The following GREB1 variants were observed in gnomAD, a reference collection of about 807,000 sequenced individuals.
GREB1 encodes the protein growth regulating estrogen receptor binding 1, also known as protein GREB1.
Under a neutral mutation model 200.7 loss-of-function variants are expected in GREB1, and 106 were observed. That is an observed-to-expected ratio of 0.53 (90% CI 0.45 to 0.62). The LOEUF is 0.62. GREB1 is among the 20% of genes least tolerant of loss of function. GREB1 has a pLI of 0.00. For missense variants in GREB1, 2,243 were observed against 2,556.8 expected (o/e 0.88, Z 2.65); for synonymous variants, 1,132 against 1,092.4 (o/e 1.04, Z -0.72).
chr2:11,586,932 G>T (rs185947576), intron 9 of GREB1, among the ~76,000 whole-genome samples: 113 of 152,224 alleles, frequency 7.4e-4, no homozygotes, highest in African/African-American at 2.5e-3. Flanking sequence ...CGTGGCCATG[G>T]CGTGTCTGTG....
At position 11,587,741 on chromosome 2, in the gene GREB1, A is replaced by ACACACG; in HGVS notation, c.1160-1004_1160-1003insACACGC. ...CACACACACACACACACACACACAC[A>ACACACG]CGCCACCTTTGGGAGCTCAGCAGCC... On this transcript the variant is annotated intron_variant, in intron 9 of 32. Coordinates refer to ENST00000381486, the MANE Select transcript of GREB1 (RefSeq NM_014668.4). 52 of 788,398 alleles carry ACACACG rather than the reference A, an allele frequency of 6.6e-5. 1 individual carries two copies. The African/African-American group carries it at 8.7e-4, about 13-fold the overall frequency. 48.8% of individuals were successfully genotyped at this position (788,398 alleles called of 1,614,324 possible).
intron 1 of GREB1, among the ~76,000 whole-genome samples, chr2:11,500,184 C>T (rs976250266): frequency 3.9e-5 from 6 of 151,920 alleles, no homozygotes; most frequent in African/African-American, 7.2e-5. Context: ...TTATTTGAGA[C>T]GGAGTCTCAC....
At chr2:11,529,151 C>A (rs936932507), upstream of GREB1, among the ~76,000 whole-genome samples, 2 of 152,090 alleles carry the variant, frequency 1.3e-5, no homozygotes, top group Non-Finnish European at 2.9e-5. Context: ...AAGAGTACCC[C>A]TCAACCCCAT....
intron 1 of GREB1, among the ~76,000 whole-genome samples, chr2:11,483,651 TG>T: frequency 6.8e-6 from 1 of 147,752 alleles, no homozygotes; most frequent in Admixed American, 6.8e-5. Context: ...GTTTGGGTCC[TG>T]GGAACAAAGG....
chr2:11,538,944 CTCGTG>C (rs1212766595), intron 1 of GREB1, among the ~76,000 whole-genome samples: 2 of 13,882 alleles, frequency 1.4e-4, no homozygotes, highest in African/African-American at 2.5e-4. Context: ...CTCCCCTCCC[CTCGTG>C]TCCCCTCCCC....
chr2:11,585,007 A>G, intron 7 of GREB1, 154 bp from the exon 8 acceptor site: 1 of 499,696 alleles, frequency 2.0e-6, no homozygotes, highest in Non-Finnish European at 3.5e-6. Context: ...TTCCTTATGC[A>G]TAGATATTTC....
intron 31 of GREB1, 108 bp downstream of exon 31, chr2:11,638,024 G>A (rs919953331): frequency 8.6e-6 from 8 of 931,948 alleles, no homozygotes; most frequent in African/African-American, 8.2e-5. Context: ...CCTTCGTCTC[G>A]GGGTTGACCC....
At chr2:11,574,882 G>A (rs1006039899) in intron 4 of GREB1, among the ~76,000 whole-genome samples, 4 of 152,196 alleles carry the variant, frequency 2.6e-5, no homozygotes, top group Admixed American at 6.5e-5. Flanking sequence ...TGTTTGTGCT[G>A]GCACAGAGGG....
chr2:11,608,451 A>C (rs1245089106), intron 17 of GREB1, among the ~76,000 whole-genome samples: 1 of 152,066 alleles, frequency 6.6e-6, no homozygotes, highest in Non-Finnish European at 1.5e-5. Context: ...GTAATTTTTG[A>C]GAGAATACCA....
intron 25 of GREB1, among the ~76,000 whole-genome samples, chr2:11,627,343 G>A (rs1684550683): frequency 6.6e-6 from 1 of 152,162 alleles, no homozygotes; most frequent in African/African-American, 2.4e-5. Context: ...CCGTGGAGGT[G>A]GTCGTCATCT....
intron 1 of GREB1, among the ~76,000 whole-genome samples, chr2:11,505,613 A>G (rs1455191795): frequency 1.3e-5 from 2 of 152,190 alleles, no homozygotes; most frequent in Non-Finnish European, 2.9e-5. Flanking sequence ...AGGCCAAGGC[A>G]GGAGGATCAC....
At position 11,633,031 on chromosome 2, in the gene GREB1, G is replaced by T; in HGVS notation, c.4959G>T (p.Val1653=). 1 of 1,614,176 alleles carries T rather than the reference G, an allele frequency of 6.2e-7. No homozygotes were observed. Among genetic ancestry groups the T allele is most frequent in the Non-Finnish European group, 8.5e-7 (1 of 1,180,022 alleles). The change falls in exon 28 of 33, where the codon GTG becomes GTT. Residue 1653 remains valine, a synonymous_variant. Transcript: ENST00000381486. This position sits in a 1 kb window ranked among gnomAD's most constrained non-coding sequence, Gnocchi z 4.1. The part of the protein sequence containing the change: ...ISDDSCVMWN[V]VDVNSAGERS... ...ATGACTCCTGCGTGATGTGGAACGTGGTGGATGTCAACTCTGCTGGGGAGA... is the reference window on the plus strand; with the variant it reads ...ATGACTCCTGCGTGATGTGGAACGTTGTGGATGTCAACTCTGCTGGGGAGA...
intron 11 of GREB1, among the ~76,000 whole-genome samples, chr2:11,594,398 A>T (rs1681020425): frequency 6.6e-6 from 1 of 150,434 alleles, no homozygotes. Flanking sequence ...TCTGTTGCCC[A>T]GGCTGGAATG....
chr2:11,534,274 G>C lies in GREB1; in HGVS notation c.-162+20G>C, dbSNP rs1170209584. ...CTGGAGGTAGGTGGTAGGTGCTTGA[G>C]GCTGGTGTGTGTGCGCCTTTTGTAT... On this transcript the variant is annotated intron_variant, in intron 1 of 32. Transcript: ENST00000381486. The C allele has an allele frequency of 6.6e-6, 1 of 152,314 alleles. No individual in the cohort carries two copies. Among genetic ancestry groups the C allele is most frequent in the Non-Finnish European group, 1.5e-5 (1 of 68,048 alleles). 9.4% of individuals were successfully genotyped at this position (152,314 alleles called of 1,614,324 possible). A position where few individuals can be genotyped will look rare whatever the true frequency, so the allele number is the denominator to read the frequency against.
chr2:11,608,105 T>G (rs1682572052), intron 17 of GREB1, among the ~76,000 whole-genome samples: 1 of 152,162 alleles, frequency 6.6e-6, no homozygotes, highest in Non-Finnish European at 1.5e-5. Flanking sequence ...TCAGCCTGAG[T>G]TGGGTTTCCA....
Position 11,580,655 on chromosome 2 carries a change from G to A in GREB1, c.773-49G>A, listed in dbSNP as rs1489457406. 1 of 1,551,870 alleles carries A rather than the reference G, an allele frequency of 6.4e-7. No individual in the cohort carries two copies. Among genetic ancestry groups the A allele is most frequent in the South Asian group, 1.2e-5 (1 of 80,740 alleles). On this transcript the variant is annotated intron_variant, in intron 6 of 32. Coordinates refer to ENST00000381486, the MANE Select transcript of GREB1 (RefSeq NM_014668.4). This position sits in a 1 kb window ranked among gnomAD's most constrained non-coding sequence, Gnocchi z 4.5. The stretch of plus-strand genomic sequence containing the variant: ...TGATTTCCTCCTTGCCTGGCTCCCA[G>A]GGCATTCTTGTGAACTGACCCTCCT...
rs565729239 is a variant in GREB1 at position 11,562,111 on chromosome 2, C to T, written c.158-352C>T. 5.3e-5 allele frequency among the ~76,000 whole-genome samples: 8 copies of T among 152,354 alleles called. No homozygotes were observed. In the East Asian group the frequency reaches 7.7e-4, roughly 15 times the overall value. On this transcript the variant is annotated intron_variant, in intron 2 of 32. Coordinates refer to ENST00000381486, the MANE Select transcript of GREB1 (RefSeq NM_014668.4). ...CGATACATATTAAACCTCTAGTGTA[C>T]GCGCAGCTGTGACAGATGGAAGAGA... is the stretch of plus-strand genomic sequence containing the variant.
chr2:11,536,765 AT>A (rs1674310050), intron 1 of GREB1, among the ~76,000 whole-genome samples: 2 of 149,422 alleles, frequency 1.3e-5, no homozygotes, highest in African/African-American at 5.1e-5. Context: ...TCAAAAGCCT[AT>A]TTTTGACAGT....
chr2:11,585,074 A>C, intron 7 of GREB1, 87 bp from the exon 8 acceptor site: 1 of 646,896 alleles, frequency 1.5e-6, no homozygotes, highest in Middle Eastern at 2.6e-4. Context: ...ACAAAACAAA[A>C]CAGATCATTG....
Sources: gnomAD v4.1 joint callset for allele counts (sites outside exome capture counted in the v4.1 genomes callset) on GRCh38, gnomAD v4.1.1 for gene constraint, Gnocchi (gnomAD v3.1) non-coding constraint, MANE v1.5 for transcripts, NCBI Gene and HGNC (gene_info 2026-07-23, HGNC 2026-07-21) for gene names.